PLAC1: variants seen among roughly 807,000 people sequenced by gnomAD.
The protein encoded by PLAC1 is placenta associated 1.
For synonymous variants in PLAC1, 68 were observed against 62.1 expected, an observed-to-expected ratio of 1.09 and a Z score of -0.44; for missense variants, 136 against 163.2, an observed-to-expected ratio of 0.83 and a Z score of 0.91.
intron 1 of PLAC1, among the ~76,000 whole-genome samples, chrX:134,758,239 T>C (rs1315619696): frequency 9.0e-6 from 1 of 110,971 alleles, no homozygotes; most frequent in African/African-American, 3.3e-5. Context: ...AAGCTATCTA[T>C]AGATTCGATG....
intron 1 of PLAC1, chrX:134,733,666 C>G (rs1279940161): frequency 9.0e-6 from 1 of 111,120 alleles, no homozygotes; most frequent in Non-Finnish European, 1.9e-5. Context: ...AGGACAAAGG[C>G]TTTGGATCCT....
chrX:134,583,388 CTTTTTTT>C (rs752955065), intron 2 of PLAC1, among the ~76,000 whole-genome samples: 6 of 66,634 alleles, frequency 9.0e-5, no homozygotes, highest in African/African-American at 3.5e-4. Flanking sequence ...CTATGCCTGG[CTTTTTTT>C]TTTTTTTTTT....
Position 134,693,967 on chromosome X carries a change from GA to G in PLAC1, n.174+39467del, listed in dbSNP as rs1210408201. Among the ~76,000 whole-genome samples, 4 of 110,337 alleles carry G rather than the reference GA, an allele frequency of 3.6e-5. No individual in the cohort carries two copies. The East Asian group carries it at 1.2e-3, about 32-fold the overall frequency. ...AGTGATCTGGTACAAGGTTGTAGGG[GA>G]AAAAAAACAACTGTGTTTGACTTAT... is the stretch of plus-strand genomic sequence containing the variant. On this transcript the variant is annotated intron_variant and non_coding_transcript_variant, in intron 2 of 2. Transcript: ENST00000466797.
At chrX:134,739,666 T>TA (rs2078712018) in intron 1 of PLAC1, among the ~76,000 whole-genome samples, 6 of 113,097 alleles carry the variant, frequency 5.3e-5, no homozygotes, top group Middle Eastern at 4.6e-3. Context: ...AGAATGGCAA[T>TA]GTAGAATAAG....
intron 1 of PLAC1, among the ~76,000 whole-genome samples, chrX:134,741,463 A>G (rs905779311): frequency 1.8e-5 from 2 of 111,605 alleles, no homozygotes; most frequent in Non-Finnish European, 3.8e-5. Flanking sequence ...TGAGACAGGA[A>G]CTGTCTGGAA....
chrX:134,676,193 G>T (rs2078474169), intron 2 of PLAC1, among the ~76,000 whole-genome samples: 1 of 111,663 alleles, frequency 9.0e-6, no homozygotes, highest in African/African-American at 3.3e-5. Flanking sequence ...TGAAAAGCCT[G>T]TTTGGCCCGG....
chrX:134,649,822 A>C (rs1281424046), intron 1 of PLAC1, among the ~76,000 whole-genome samples: 2 of 111,976 alleles, frequency 1.8e-5, no homozygotes, highest in Non-Finnish European at 1.9e-5. Flanking sequence ...GAGTACTTTG[A>C]ACTAAAGGAG....
At chrX:134,609,983 ATT>A (rs35018435) in intron 1 of PLAC1, among the ~76,000 whole-genome samples, 45,145 of 104,484 alleles carry the variant, frequency 0.43, 7,934 homozygotes, top group East Asian at 0.9. Flanking sequence ...AGTGGAAGAA[ATT>A]TTTTTTTTTT....
At chrX:134,763,088 T>G (rs934930539) in intron 1 of PLAC1, among the ~76,000 whole-genome samples, 1 of 111,124 alleles carries the variant, frequency 9.0e-6, no homozygotes, top group African/African-American at 3.3e-5. Context: ...GGTAGAAATA[T>G]ACATGGTCAG....
Position 134,746,949 on chromosome X carries a change from G to A in PLAC1, n.90-13430C>T, listed in dbSNP as rs776133062. Among the ~76,000 whole-genome samples the A allele has an allele frequency of 2.1e-4, 23 of 111,825 alleles. No individual in the cohort carries two copies. In the South Asian group the frequency reaches 8.7e-3, roughly 42 times the overall value. On this transcript the variant is annotated intron_variant and non_coding_transcript_variant, in intron 1 of 2. Transcript: ENST00000466797. ...CAGAACATTGTGCTCAATGTTCAAG[G>A]GGCTACAGGGTTTCACTAAGGGATA...
chrX:134,674,866 G>A (rs2078467859), intron 2 of PLAC1, among the ~76,000 whole-genome samples: 1 of 112,594 alleles, frequency 8.9e-6, no homozygotes, highest in South Asian at 3.7e-4. Flanking sequence ...CAGCAGAACA[G>A]GGAAGAAAGA....
At chrX:134,638,053 T>C (rs1042201591) in intron 1 of PLAC1, among the ~76,000 whole-genome samples, 1 of 112,303 alleles carries the variant, frequency 8.9e-6, no homozygotes, top group Non-Finnish European at 1.9e-5. Context: ...GAATCCTTTG[T>C]TTAAATGTCC....
chrX:134,655,332 TAC>T (rs545237127), intron 1 of PLAC1, among the ~76,000 whole-genome samples: 2,929 of 98,764 alleles, frequency 0.03, 78 homozygotes, highest in African/African-American at 0.077. Flanking sequence ...TCAATCTATT[TAC>T]ACACACACAC....
At chrX:134,578,371 C>G (rs1333398583) in intron 2 of PLAC1, among the ~76,000 whole-genome samples, 12 of 99,618 alleles carry the variant, frequency 1.2e-4, no homozygotes, top group Non-Finnish European at 2.4e-4. Context: ...CGAGATCGCA[C>G]CACTGCACTC....
At chrX:134,705,669 A>G (rs1241810939) in intron 2 of PLAC1, among the ~76,000 whole-genome samples, 1 of 111,522 alleles carries the variant, frequency 9.0e-6, no homozygotes, top group Non-Finnish European at 1.9e-5. Flanking sequence ...AGTATATGTA[A>G]GTGCTTTATT....
At chrX:134,611,268 G>A (rs2078151027) in intron 1 of PLAC1, among the ~76,000 whole-genome samples, 1 of 110,488 alleles carries the variant, frequency 9.1e-6, no homozygotes, top group Non-Finnish European at 1.9e-5. Context: ...TAAGTGAAAG[G>A]ACATTACAAA....
At chrX:134,733,881 C>G in intron 1 of PLAC1, among the ~76,000 whole-genome samples, 1 of 109,684 alleles carries the variant, frequency 9.1e-6, no homozygotes, top group Non-Finnish European at 1.9e-5. Context: ...CACTGCCCTT[C>G]CCTTAGAAAA....
chrX:134,620,440 C>A (rs1279998771), intron 1 of PLAC1, among the ~76,000 whole-genome samples: 1 of 112,455 alleles, frequency 8.9e-6, no homozygotes, highest in Non-Finnish European at 1.9e-5. Flanking sequence ...TCTTCTAAGC[C>A]CACTTCCAGT....
chrX:134,663,432 A>ATGTGTG (rs10668252), upstream of PLAC1, among the ~76,000 whole-genome samples: 87 of 108,465 alleles, frequency 8.0e-4, no homozygotes, highest in Non-Finnish European at 4.0e-4. Flanking sequence ...AAATAAAGAT[A>ATGTGTG]TGTGTGTGTG....
Sources: gnomAD v4.1 joint callset for allele counts (sites outside exome capture counted in the v4.1 genomes callset) on GRCh38, gnomAD v4.1.1 for gene constraint, MANE v1.5 for transcripts, NCBI Gene and HGNC (gene_info 2026-07-23, HGNC 2026-07-21) for gene names.